Variants in SENP7 observed in about 807,000 individuals in gnomAD.
The protein encoded by SENP7 is sentrin-specific protease 7.
SENP7 carries 64 observed loss-of-function variants against 141.2 expected under a neutral mutation model. The observed-to-expected ratio is 0.45, with a 90% CI of 0.37 to 0.56. SENP7 has a LOEUF of 0.56. SENP7 is among the 20% of genes least tolerant of loss of function. The pLI is 0.00. For synonymous variants in SENP7, 382 were observed against 426.4 expected (o/e 0.90, Z 1.28); for missense variants, 1,025 against 1,212.2 (o/e 0.85, Z 2.29).
intron 4 of SENP7, among the ~76,000 whole-genome samples, chr3:101,456,638 T>G (rs910355089): frequency 6.6e-6 from 1 of 152,070 alleles, no homozygotes; most frequent in Non-Finnish European, 1.5e-5. Context: ...GAAAAAAATA[T>G]TAGAGATAAT....
At chr3:101,438,657 T>G (rs1470153540) in intron 4 of SENP7, among the ~76,000 whole-genome samples, 3 of 152,210 alleles carry the variant, frequency 2.0e-5, no homozygotes, top group African/African-American at 7.2e-5. Context: ...CAAATTTATA[T>G]TTAAAATAGA....
chr3:101,368,191 T>C (rs1056205082), intron 7 of SENP7, among the ~76,000 whole-genome samples, 180 bp from the exon 8 acceptor site: 2 of 152,288 alleles, frequency 1.3e-5, no homozygotes, highest in Non-Finnish European at 2.9e-5. Flanking sequence ...CCTATTTTAA[T>C]TGGTATATAC....
rs904984349 is a variant in SENP7 at position 101,325,170 on chromosome 3, G to A, written c.*773C>T. On this transcript the variant is annotated 3_prime_UTR_variant, in exon 24 of 24. Coordinates refer to ENST00000394095, the MANE Select transcript of SENP7 (RefSeq NM_020654.5). ...AATGTGAGTGAATATTTATATAGCAGTACCTCAAGTTGAGCTACATGTATA... is the reference window on the plus strand; with the variant it reads ...AATGTGAGTGAATATTTATATAGCAATACCTCAAGTTGAGCTACATGTATA... 1.3e-5 allele frequency: 2 copies of A among 151,878 alleles called. No homozygotes were observed. Among genetic ancestry groups the A allele is most frequent in the Non-Finnish European group, 2.9e-5 (2 of 67,964 alleles). The allele number at this position is 151,878 out of a possible 1,614,324, so 9.4% of individuals were successfully genotyped here.
intron 3 of SENP7, among the ~76,000 whole-genome samples, chr3:101,475,401 C>G (rs1197009528): frequency 2.0e-5 from 3 of 152,154 alleles, no homozygotes; most frequent in Admixed American, 6.5e-5. Context: ...ATGTCCTTTG[C>G]AGGGACATGG....
At chr3:101,444,897 A>G (rs2062830729) in intron 4 of SENP7, among the ~76,000 whole-genome samples, 1 of 151,598 alleles carries the variant, frequency 6.6e-6, no homozygotes, top group African/African-American at 2.4e-5. Flanking sequence ...TATAATAATA[A>G]TAATAAATGA....
Position 101,367,842 on chromosome 3 carries a change from T to C in SENP7, c.966A>G (p.Ser322=). 6.3e-7 allele frequency: 1 copy of C among 1,593,498 alleles called. No homozygotes were observed. The highest frequency in any genetic ancestry group is 1.3e-5 in the African/African-American group (1 of 74,440). Reference sequence around the variant, plus strand: ...TACCTCTACTTACTGTCTGTTCTGTTGACTTATCCAAAGAAGTACAATATT... The same window carrying C: ...TACCTCTACTTACTGTCTGTTCTGTCGACTTATCCAAAGAAGTACAATATT... The part of the protein sequence containing the change: ...DSQYCTSLDK[S]TEQTKKQEDD... The change falls in exon 8 of 24, where the codon TCA becomes TCG. Residue 322 remains serine, a synonymous_variant. Coordinates refer to ENST00000394095, the MANE Select transcript of SENP7 (RefSeq NM_020654.5).
intron 4 of SENP7, among the ~76,000 whole-genome samples, chr3:101,427,583 T>C (rs977524070): frequency 1.2e-4 from 18 of 152,108 alleles, no homozygotes; most frequent in Non-Finnish European, 2.6e-4. Flanking sequence ...ATTAAATTTC[T>C]GTGGGACCTG....
chr3:101,423,486 G>A (rs921962084), intron 4 of SENP7, among the ~76,000 whole-genome samples: 8 of 152,132 alleles, frequency 5.3e-5, no homozygotes, highest in African/African-American at 1.9e-4. Context: ...ACTTATGGCA[G>A]CTTGGCAGTT....
chr3:101,440,483 CTTGT>C (rs970128493), intron 4 of SENP7, among the ~76,000 whole-genome samples: 6 of 127,306 alleles, frequency 4.7e-5, no homozygotes, highest in African/African-American at 6.2e-5. Flanking sequence ...CCTTTGTTCA[CTTGT>C]TTATCTGCTG....
intron 6 of SENP7, among the ~76,000 whole-genome samples, chr3:101,376,658 T>G (rs917527274): frequency 3.3e-5 from 5 of 151,856 alleles, no homozygotes; most frequent in African/African-American, 9.7e-5. Context: ...CGGGGAGGGA[T>G]AGCATTAGGA....
At chr3:101,330,975 G>A (rs2059032757) in intron 19 of SENP7, among the ~76,000 whole-genome samples, 1 of 152,042 alleles carries the variant, frequency 6.6e-6, no homozygotes, top group African/African-American at 2.4e-5. Context: ...GAAAACTCGT[G>A]GAAGAATTAT....
intron 5 of SENP7, among the ~76,000 whole-genome samples, chr3:101,400,560 T>C (rs570377893): frequency 4.6e-5 from 7 of 150,816 alleles, no homozygotes; most frequent in East Asian, 3.9e-4. Flanking sequence ...GATGGCACAA[T>C]TGTAATTGCT....
chr3:101,451,438 T>C (rs1044826529), intron 4 of SENP7, among the ~76,000 whole-genome samples: 1 of 152,318 alleles, frequency 6.6e-6, no homozygotes, highest in South Asian at 2.1e-4. Flanking sequence ...CCAATAGCCC[T>C]GATGAACAGC....
chr3:101,368,366 C>G (rs2060092041), intron 7 of SENP7, among the ~76,000 whole-genome samples: 2 of 151,548 alleles, frequency 1.3e-5, no homozygotes, highest in South Asian at 2.1e-4. Context: ...GAAAATGTGG[C>G]CCATATACAC....
chr3:101,336,019 C>T (rs2059176028), intron 17 of SENP7, among the ~76,000 whole-genome samples: 1 of 152,170 alleles, frequency 6.6e-6, no homozygotes, highest in African/African-American at 2.4e-5. Context: ...CTAGTGTACC[C>T]ACTAAGACAG....
intron 5 of SENP7, among the ~76,000 whole-genome samples, chr3:101,410,457 A>G (rs1393769102): frequency 6.6e-6 from 1 of 152,190 alleles, no homozygotes. Context: ...AAGTATAGGA[A>G]AAAGCTACTT....
chr3:101,378,982 C>G (rs910780394), intron 6 of SENP7, among the ~76,000 whole-genome samples: 1 of 151,978 alleles, frequency 6.6e-6, no homozygotes, highest in Non-Finnish European at 1.5e-5. Flanking sequence ...GATTTCAAAA[C>G]TTTCTGTAAA....
At chr3:101,330,990 G>A (rs1405248773) in intron 19 of SENP7, among the ~76,000 whole-genome samples, 2 of 152,118 alleles carry the variant, frequency 1.3e-5, no homozygotes, top group Non-Finnish European at 2.9e-5. Flanking sequence ...AATTATAAGA[G>A]ATCCTATATT....
chr3:101,356,291 A>T (rs2059740650), intron 11 of SENP7, among the ~76,000 whole-genome samples: 2 of 144,990 alleles, frequency 1.4e-5, no homozygotes, highest in Non-Finnish European at 3.1e-5. Context: ...AAAGGTCATA[A>T]ATAATGCCCA....
Sources: allele counts gnomAD v4.1 joint callset (sites outside exome capture counted in the v4.1 genomes callset), GRCh38; gene constraint gnomAD v4.1.1; transcripts MANE v1.5; gene names NCBI Gene and HGNC (gene_info 2026-07-23, HGNC 2026-07-21).